Variants in TANGO6 observed in about 807,000 individuals in gnomAD.
The protein encoded by TANGO6 is transport and golgi organization 6 homolog, also known as transport and Golgi organization protein 6 homolog.
In TANGO6, 90 loss-of-function variants were observed where a neutral mutation model predicts 114.2. The observed-to-expected ratio is 0.79, with a 90% CI of 0.66 to 0.94. The LOEUF (loss-of-function observed/expected upper bound fraction) is 0.94. TANGO6 is among the 40% of genes least tolerant of loss of function. The probability of loss-of-function intolerance (pLI) is 0.00; values close to 1 mark genes in which losing one functional copy is unlikely to be tolerated. For missense variants in TANGO6, 1,274 were observed against 1,315.3 expected (o/e 0.97, Z 0.49); for synonymous variants, 477 against 509.8 (o/e 0.94, Z 0.87).
intron 17 of TANGO6, among the ~76,000 whole-genome samples, chr16:69,054,209 C>T (rs759795379): frequency 6.6e-6 from 1 of 152,240 alleles, no homozygotes; most frequent in Non-Finnish European, 1.5e-5. Flanking sequence ...TACCATCGCA[C>T]TCTCATCTGT....
At chr16:69,081,658 T>C (rs1960467121) in intron 17 of TANGO6, among the ~76,000 whole-genome samples, 1 of 152,016 alleles carries the variant, frequency 6.6e-6, no homozygotes, top group African/African-American at 2.4e-5. Flanking sequence ...CTTATTTTTG[T>C]TTCCCTGTTC....
chr16:68,981,543 A>G (rs1353547359), intron 15 of TANGO6, among the ~76,000 whole-genome samples: 1 of 152,092 alleles, frequency 6.6e-6, no homozygotes, highest in Non-Finnish European at 1.5e-5. Flanking sequence ...TTAAAATATA[A>G]CATATTTTCT....
rs780063757 is a variant in TANGO6, at chr16:68,907,509, C to T, written c.1734C>T (p.Leu578=). Reference sequence around the variant, plus strand: ...CTGAGCAGGGCCGGGTGGAGCATCTCGGGGACTTGCTGTCCCACTGCCAGG... The same window carrying T: ...CTGAGCAGGGCCGGGTGGAGCATCTTGGGGACTTGCTGTCCCACTGCCAGG... ...VSSEQGRVEH[L]GDLLSHCQEC... is the part of the protein sequence containing the mutation. The change falls in exon 10 of 18, where the codon CTC becomes CTT. Residue 578 remains leucine (L), a synonymous_variant. Coordinates refer to ENST00000261778, the MANE Select transcript of TANGO6 (RefSeq NM_024562.2). 40 of 1,613,360 alleles carry T rather than the reference C, an allele frequency of 2.5e-5. No homozygotes were observed. In the East Asian group the frequency reaches 4.5e-4, roughly 18 times the overall value.
chr16:69,061,081 C>T, intron 17 of TANGO6, among the ~76,000 whole-genome samples: 1 of 152,050 alleles, frequency 6.6e-6, no homozygotes, highest in Middle Eastern at 3.2e-3. Context: ...GCAAAAGTTG[C>T]CTCAACAAGT....
intron 17 of TANGO6, among the ~76,000 whole-genome samples, chr16:69,083,037 C>T (rs898757511): frequency 4.6e-5 from 7 of 151,366 alleles, no homozygotes; most frequent in East Asian, 1.9e-4. Context: ...TATCTCAGTA[C>T]GAGGGCTAGC....
rs1293917327 is a variant in TANGO6 at position 69,061,977 on chromosome 16, C to T, written c.3109-21508C>T. ...GAGGTTGCAGCGAGCCGAGATCGCT[C>T]CACTGGCACTCCAGCCTTGGCGACA... On this transcript the variant is annotated intron_variant, in intron 17 of 17. Coordinates refer to ENST00000261778, the MANE Select transcript of TANGO6 (RefSeq NM_024562.2). Among the ~76,000 whole-genome samples, 7 of 151,940 alleles carry T rather than the reference C, an allele frequency of 4.6e-5. No individual in the cohort carries two copies. In the South Asian group the frequency reaches 1.0e-3, roughly 23 times the overall value.
chr16:68,867,093 G>A lies in TANGO6; in HGVS notation c.867G>A (p.Val289=). Residue 289 remains valine, a synonymous_variant, in exon 4 of 18, where the codon GTG becomes GTA. Coordinates refer to ENST00000261778, the MANE Select transcript of TANGO6 (RefSeq NM_024562.2). ...QGGPPQSCTD[V]KTQMRCRAPA... is the part of the protein sequence containing the mutation. Reference sequence around the variant, plus strand: ...CTTTTTCTCAGTCCTGCACAGATGTGAAGACACAGATGAGGTGTCGGGCCC... The same window carrying A: ...CTTTTTCTCAGTCCTGCACAGATGTAAAGACACAGATGAGGTGTCGGGCCC... The A allele has an allele frequency of 6.3e-7, 1 of 1,585,370 alleles. No homozygotes were observed.
chr16:69,032,107 G>T lies in TANGO6; in HGVS notation c.2995-8201G>T, dbSNP rs544341763. On this transcript the variant is annotated intron_variant, in intron 16 of 17. Transcript: ENST00000261778. ...CACGTGCTGGAGAACAGTAAGGCCAGTGTGGCTTCAGAGAAGAACAGGAGT... is the reference window on the plus strand; with the variant it reads ...CACGTGCTGGAGAACAGTAAGGCCATTGTGGCTTCAGAGAAGAACAGGAGT... Among the ~76,000 whole-genome samples the T allele has an allele frequency of 3.9e-5, 6 of 152,212 alleles. No individual in the cohort carries two copies. In the East Asian group the frequency reaches 7.8e-4, roughly 20 times the overall value.
chr16:69,037,383 G>C (rs1959706096), intron 16 of TANGO6, among the ~76,000 whole-genome samples: 1 of 152,146 alleles, frequency 6.6e-6, no homozygotes, highest in African/African-American at 2.4e-5. Flanking sequence ...GTGGAAGCAG[G>C]GGCCCAAAGC....
At chr16:68,931,806 T>C (rs1963243170) in intron 14 of TANGO6, among the ~76,000 whole-genome samples, 2 of 152,108 alleles carry the variant, frequency 1.3e-5, no homozygotes, top group South Asian at 2.1e-4. Context: ...GTGATGAAAA[T>C]GTTCCCAGAT....
chr16:68,883,052 C>T (rs1962487080), intron 7 of TANGO6, among the ~76,000 whole-genome samples: 2 of 151,942 alleles, frequency 1.3e-5, no homozygotes, highest in Admixed American at 6.6e-5. Context: ...CAAAGATTAG[C>T]TGGATGTGGT....
intron 4 of TANGO6, among the ~76,000 whole-genome samples, chr16:68,869,367 A>G (rs1962230957): frequency 6.6e-6 from 1 of 152,184 alleles, no homozygotes; most frequent in Admixed American, 6.5e-5. Flanking sequence ...GGTTCCAGCT[A>G]CTGAGGTGGC....
chr16:69,056,392 G>A (rs1960032750), intron 17 of TANGO6, among the ~76,000 whole-genome samples: 1 of 152,120 alleles, frequency 6.6e-6, no homozygotes, highest in Non-Finnish European at 1.5e-5. Context: ...AAGTGGAAGA[G>A]GATTTAGAAT....
chr16:68,909,873 A>G (rs1371617695), intron 11 of TANGO6, among the ~76,000 whole-genome samples: 1 of 152,158 alleles, frequency 6.6e-6, no homozygotes, highest in Non-Finnish European at 1.5e-5. Context: ...ACTAATAATA[A>G]TGAGATCACC....
At chr16:69,053,348 C>T (rs1959984175) in intron 17 of TANGO6, among the ~76,000 whole-genome samples, 1 of 151,992 alleles carries the variant, frequency 6.6e-6, no homozygotes, top group Non-Finnish European at 1.5e-5. Context: ...TAACTGTTAT[C>T]TATTCTATGA....
intron 14 of TANGO6, among the ~76,000 whole-genome samples, chr16:68,945,515 A>G (rs74025341): frequency 0.12 from 18,262 of 152,142 alleles, 1,206 homozygotes; most frequent in African/African-American, 0.14. Context: ...GGTATGACAA[A>G]AATGACCAAA....
chr16:69,065,094 C>T lies in TANGO6; in HGVS notation c.3109-18391C>T, dbSNP rs1960193518. Among the ~76,000 whole-genome samples, 4 of 152,218 alleles carry T rather than the reference C, an allele frequency of 2.6e-5. No individual in the cohort carries two copies. The South Asian group carries it at 8.3e-4, about 31-fold the overall frequency. ...CACACTTCGACCATTTTCCCTGCTG[C>T]TTTGTGCTATTTCAGGGCTTGTGGG... On this transcript the variant is annotated intron_variant, in intron 17 of 17. Coordinates refer to ENST00000261778, the MANE Select transcript of TANGO6 (RefSeq NM_024562.2).
intron 15 of TANGO6, among the ~76,000 whole-genome samples, chr16:68,998,973 C>G (rs1003523428): frequency 6.6e-6 from 1 of 151,872 alleles, no homozygotes. Flanking sequence ...GCCTCAACAT[C>G]CCAGGTTCAG....
intron 15 of TANGO6, among the ~76,000 whole-genome samples, chr16:68,993,685 C>A (rs970132728): frequency 2.6e-5 from 4 of 152,154 alleles, no homozygotes; most frequent in African/African-American, 9.7e-5. Flanking sequence ...AACTCTTGGT[C>A]ATGCTTTAAT....
Sources: allele counts gnomAD v4.1 joint callset (sites outside exome capture counted in the v4.1 genomes callset), GRCh38; gene constraint gnomAD v4.1.1; transcripts MANE v1.5; gene names NCBI Gene and HGNC (gene_info 2026-07-23, HGNC 2026-07-21).